EML6: variants seen among roughly 807,000 people sequenced by gnomAD.
The protein encoded by EML6 is EMAP like 6, also known as echinoderm microtubule-associated protein-like 6.
EML6 carries 154 observed loss-of-function variants against 240.1 expected under a neutral mutation model. The observed-to-expected ratio is 0.64, with a 90% CI of 0.56 to 0.73. The LOEUF (loss-of-function observed/expected upper bound fraction) is 0.73, where lower values mean the gene tolerates loss of function less well. EML6 is among the 30% of genes least tolerant of loss of function. The pLI is 0.00. For missense variants in EML6, 2,964 were observed against 2,474.6 expected (o/e 1.20, Z -4.20); for synonymous variants, 1,148 against 899.0 (o/e 1.28, Z -4.95).
chr2:54,747,064 T>A (rs538297751), intron 2 of EML6: 1 of 152,262 alleles, frequency 6.6e-6, no homozygotes, highest in Non-Finnish European at 1.5e-5. Flanking sequence ...AAATCTTCAT[T>A]TGACCTTTTC....
Position 54,964,669 on chromosome 2 carries a change from A to G in EML6, c.5429A>G (p.Tyr1810Cys), listed in dbSNP as rs1488032388. The G allele has an allele frequency of 5.2e-6, 8 of 1,552,234 alleles. No homozygotes were observed. Among genetic ancestry groups the G allele is most frequent in the Non-Finnish European group, 6.1e-6 (7 of 1,147,124 alleles). ...GGCACAAATCTGAACCGCATTGGCT[A>G]CTGCAAAGATATCCCAAGCTTTGTC... ...TQGTNLNRIG[Y>C]CKDIPSFVIQ... Residue 1810 changes from tyrosine (Y) to cysteine (C), a missense_variant, in exon 38 of 42, where the codon TAC becomes TGC. Transcript: ENST00000356458.
intron 34 of EML6, 36 bp downstream of exon 34, chr2:54,959,297 T>G: frequency 6.8e-7 from 1 of 1,481,422 alleles, no homozygotes; most frequent in Non-Finnish European, 9.0e-7. Flanking sequence ...ACTTGTCGTT[T>G]GTTGTTATCT....
At position 54,735,586 on chromosome 2, in the gene EML6, C is replaced by G. The variant is rs6753004; in HGVS notation, c.197+10328C>G. On this transcript the variant is annotated intron_variant, in intron 2 of 41. Coordinates refer to ENST00000356458, the MANE Select transcript of EML6 (RefSeq NM_001039753.4). The stretch of plus-strand genomic sequence containing the variant: ...GATTTGACTTCTTCCTTATACTTCT[C>G]TACTGGCCTAGATGGAAAATACAGC... Among the ~76,000 whole-genome samples the G allele has an allele frequency of 2.0e-5, 3 of 152,076 alleles. No individual in the cohort carries two copies. The East Asian group carries it at 5.8e-4, about 29-fold the overall frequency.
chr2:54,728,268 C>A (rs1353093081), intron 2 of EML6, among the ~76,000 whole-genome samples: 1 of 152,204 alleles, frequency 6.6e-6, no homozygotes, highest in Non-Finnish European at 1.5e-5. Context: ...GGTAGTAGAA[C>A]ATGACACAGA....
At chr2:54,821,861 G>A (rs560130637) in intron 5 of EML6, among the ~76,000 whole-genome samples, 50 of 152,162 alleles carry the variant, frequency 3.3e-4, no homozygotes, top group African/African-American at 1.1e-3. Flanking sequence ...AAAATAACTA[G>A]AGGAATATAT....
rs557897386 is a variant in EML6, at chr2:54,838,179, C to G, written c.848-5868C>G. Among the ~76,000 whole-genome samples the G allele has an allele frequency of 7.9e-5, 12 of 152,342 alleles. No individual in the cohort carries two copies. In the South Asian group the frequency reaches 1.2e-3, roughly 16 times the overall value. ...AAGGCCCATAGGGCACTTCATAGTT[C>G]CTGGCACTGCCACCTTACAGGGCTC... On this transcript the variant is annotated intron_variant, in intron 7 of 41. Transcript: ENST00000356458.
intron 2 of EML6, among the ~76,000 whole-genome samples, chr2:54,806,495 C>T (rs990612830): frequency 1.3e-5 from 2 of 151,588 alleles, no homozygotes; most frequent in East Asian, 3.9e-4. Context: ...TGCCTGTAAT[C>T]CCAACTACTC....
intron 2 of EML6, among the ~76,000 whole-genome samples, chr2:54,790,140 C>G (rs963438558): frequency 3.3e-5 from 5 of 152,158 alleles, no homozygotes; most frequent in Non-Finnish European, 7.3e-5. Context: ...TATCTGAAAA[C>G]TTAGTAATGA....
At chr2:54,850,464 C>T (rs928552046) in intron 10 of EML6, 8 of 411,764 alleles carry the variant, frequency 1.9e-5, no homozygotes, top group East Asian at 1.1e-4. Flanking sequence ...CAAGGGAGAT[C>T]GTGAATGAAA....
At position 54,853,548 on chromosome 2, in the gene EML6, T is replaced by A. The variant is rs186030785; in HGVS notation, c.1445-95T>A. The A allele has an allele frequency of 8.0e-4, 663 of 830,368 alleles. 7 individuals are homozygous for A. The highest frequency in any genetic ancestry group is 1.3e-4 in the Non-Finnish European group (76 of 572,390). The allele number at this position is 830,368 out of a possible 1,614,324, so 51.4% of individuals were successfully genotyped here. A position where few individuals can be genotyped will look rare whatever the true frequency, so the allele number is the denominator to read the frequency against. The stretch of plus-strand genomic sequence containing the variant: ...AGATTAAAATATGTAGTTTTCTGTA[T>A]TTACAAAAGTTTTCTTAAAGTTTCA... On this transcript the variant is annotated intron_variant, in intron 10 of 41. Coordinates refer to ENST00000356458, the MANE Select transcript of EML6 (RefSeq NM_001039753.4).
At chr2:54,848,411 A>C (rs1416870827) in intron 9 of EML6, among the ~76,000 whole-genome samples, 1 of 152,096 alleles carries the variant, frequency 6.6e-6, no homozygotes, top group African/African-American at 2.4e-5. Context: ...TACCAACCAC[A>C]CATAACTCAT....
intron 7 of EML6, among the ~76,000 whole-genome samples, chr2:54,829,900 C>T (rs753292844): frequency 3.3e-5 from 5 of 152,148 alleles, no homozygotes; most frequent in Non-Finnish European, 7.4e-5. Context: ...TGGGCTCAGT[C>T]ATGTGGGGTG....
chr2:54,820,559 A>T (rs1572950465), intron 5 of EML6, 97 bp downstream of exon 5: 4 of 730,134 alleles, frequency 5.5e-6, no homozygotes, highest in East Asian at 5.5e-5. Context: ...TAGACTTTAC[A>T]TTTTTTTTCT....
At chr2:54,942,610 C>T (rs114635172) in intron 28 of EML6, among the ~76,000 whole-genome samples, 1,950 of 152,214 alleles carry the variant, frequency 0.013, 19 homozygotes, top group Middle Eastern at 0.041. Context: ...GACTCCCTCT[C>T]GCTCATTTGA....
At position 54,847,539 on chromosome 2, in the gene EML6, C is replaced by A. The variant is rs775001573; in HGVS notation, c.1103C>A (p.Ala368Glu). Reference protein sequence around the residue: ...ALIARCNMEEAVRSVAFSPDG... With the variant: ...ALIARCNMEEEVRSVAFSPDG... ...ATCGCCCGCTGTAACATGGAAGAGGCGGTTCGCAGTGTAGCTTTCAGCCCC... is the reference window on the plus strand; with the variant it reads ...ATCGCCCGCTGTAACATGGAAGAGGAGGTTCGCAGTGTAGCTTTCAGCCCC... The change falls in exon 9 of 42, where the codon GCG becomes GAG. Residue 368 changes from alanine to glutamate, a missense_variant. By Grantham distance (107) the Ala-to-Glu change is moderately radical. Transcript: ENST00000356458. The A allele has an allele frequency of 1.4e-5, 22 of 1,551,964 alleles. No individual in the cohort carries two copies. Among genetic ancestry groups the A allele is most frequent in the Non-Finnish European group, 1.8e-5 (21 of 1,147,088 alleles).
chr2:54,739,035 G>A (rs1393349606), intron 2 of EML6, among the ~76,000 whole-genome samples: 6 of 152,128 alleles, frequency 3.9e-5, no homozygotes, highest in Non-Finnish European at 8.8e-5. Flanking sequence ...ATGAGACCAG[G>A]AGTTTGAGAC....
rs149190113 is a variant in EML6, at chr2:54,790,386, C to T, written c.198-22846C>T. Among the ~76,000 whole-genome samples the T allele has an allele frequency of 4.6e-5, 7 of 152,214 alleles. No individual in the cohort carries two copies. In the East Asian group the frequency reaches 7.7e-4, roughly 17 times the overall value. ...AGGTAATTTCAGATTCATTGTGGAG[C>T]GGGGAAGCACCCTAACTCTGTGAGC... is the stretch of plus-strand genomic sequence containing the variant. On this transcript the variant is annotated intron_variant, in intron 2 of 41. Transcript: ENST00000356458.
intron 2 of EML6, among the ~76,000 whole-genome samples, chr2:54,802,895 C>T (rs1670251086): frequency 6.6e-6 from 1 of 152,026 alleles, no homozygotes; most frequent in African/African-American, 2.4e-5. Flanking sequence ...TCACTTACAC[C>T]AAGTTCTGTG....
intron 35 of EML6, among the ~76,000 whole-genome samples, chr2:54,961,327 G>A (rs1235623402): frequency 6.6e-6 from 1 of 151,384 alleles, no homozygotes; most frequent in Non-Finnish European, 1.5e-5. Context: ...TGGGATTACA[G>A]GTGCCCACCA....
Sources: allele counts gnomAD v4.1 joint callset (sites outside exome capture counted in the v4.1 genomes callset), GRCh38; gene constraint gnomAD v4.1.1; transcripts MANE v1.5; gene names NCBI Gene and HGNC (gene_info 2026-07-23, HGNC 2026-07-21).